SFSWAP: variants seen among roughly 807,000 people sequenced by gnomAD.
SFSWAP encodes splicing factor SWAP, also known as splicing factor, suppressor of white-apricot homolog.
A neutral mutation model predicts 100.7 loss-of-function variants in SFSWAP; 17 were observed. That is an observed-to-expected ratio of 0.17 (90% CI 0.12 to 0.25). The LOEUF is 0.25. Among genes scored for constraint, SFSWAP ranks in the 10% least tolerant of loss-of-function variants. The pLI is 1.00. For synonymous variants in SFSWAP, 504 were observed against 510.1 expected (o/e 0.99, Z 0.16); for missense variants, 1,005 against 1,262.6 (o/e 0.80, Z 3.09).
chr12:131,750,499 G>A (rs997749964), intron 7 of SFSWAP, among the ~76,000 whole-genome samples: 1 of 151,744 alleles, frequency 6.6e-6, no homozygotes, highest in Non-Finnish European at 1.5e-5. Context: ...GAGGCTGCGC[G>A]TGTCTCGGCT....
chr12:131,726,932 G>T lies in SFSWAP; in HGVS notation c.833-8G>T. ...CACCAAAATCTTGAAATGTGATTTT[G>T]ATTTCAGAATCAGGAGTCAGCTCTG... On this transcript the variant is annotated splice_region_variant and splice_polypyrimidine_tract_variant and intron_variant, in intron 5 of 17. Coordinates refer to ENST00000261674, the MANE Select transcript of SFSWAP (RefSeq NM_004592.4). 1 of 1,520,420 alleles carries T rather than the reference G, an allele frequency of 6.6e-7. No individual in the cohort carries two copies. Among genetic ancestry groups the T allele is most frequent in the South Asian group, 1.2e-5 (1 of 86,152 alleles). 94.2% of individuals were successfully genotyped at this position (1,520,420 alleles called of 1,614,324 possible).
At chr12:131,791,382 C>T (rs1037890244) in intron 15 of SFSWAP, among the ~76,000 whole-genome samples, 2 of 150,776 alleles carry the variant, frequency 1.3e-5, no homozygotes, top group African/African-American at 4.9e-5. Context: ...AAGTGAGACT[C>T]TATCTCAAAG....
At chr12:131,742,857 A>G (rs1219020489) in intron 7 of SFSWAP, among the ~76,000 whole-genome samples, 1 of 152,188 alleles carries the variant, frequency 6.6e-6, no homozygotes, top group East Asian at 1.9e-4. Context: ...GAGGAGGAGA[A>G]GAAGAGGTTT....
intron 10 of SFSWAP, among the ~76,000 whole-genome samples, chr12:131,756,112 A>G (rs1463260055): frequency 2.0e-5 from 3 of 152,368 alleles, no homozygotes; most frequent in South Asian, 4.1e-4. Flanking sequence ...CTTATCTCCA[A>G]TAGCCCACAC....
At chr12:131,793,981 T>C (rs114937321) in intron 15 of SFSWAP, among the ~76,000 whole-genome samples, 2 of 152,148 alleles carry the variant, frequency 1.3e-5, no homozygotes, top group Non-Finnish European at 2.9e-5. Context: ...CAGTTTCTTG[T>C]GACGTTAAGT....
chr12:131,779,579 G>T (rs1324623248), intron 14 of SFSWAP, among the ~76,000 whole-genome samples: 1 of 152,022 alleles, frequency 6.6e-6, no homozygotes, highest in Non-Finnish European at 1.5e-5. Context: ...CTGAACACTG[G>T]CTGACTCTCC....
chr12:131,786,382 A>G (rs1160578154), intron 14 of SFSWAP, 81 bp from the exon 15 acceptor site: 2 of 1,483,342 alleles, frequency 1.3e-6, no homozygotes, highest in Non-Finnish European at 1.8e-6. Context: ...ACGGGGCCTG[A>G]TCTCTGCCAG....
chr12:131,772,569 G>C (rs889302140), intron 13 of SFSWAP, among the ~76,000 whole-genome samples: 1 of 152,224 alleles, frequency 6.6e-6, no homozygotes, highest in Admixed American at 6.5e-5. Flanking sequence ...ACGGACAGGT[G>C]CGGGAACCAG....
Position 131,716,532 on chromosome 12 carries a change from A to C in SFSWAP, c.520+1579A>C, listed in dbSNP as rs570006797. ...TGTTTTTATCAGAAGGAAGGAATAG[A>C]TACTATAGCCACTTCACAAATAAAG... On this transcript the variant is annotated intron_variant, in intron 3 of 17. Coordinates refer to ENST00000261674, the MANE Select transcript of SFSWAP (RefSeq NM_004592.4). Among the ~76,000 whole-genome samples the C allele has an allele frequency of 6.6e-5, 10 of 152,350 alleles. No homozygotes were observed. The South Asian group carries it at 2.1e-3, about 32-fold the overall frequency.
Position 131,766,423 on chromosome 12 carries a change from C to T in SFSWAP, c.2142+115C>T, listed in dbSNP as rs553641371. On this transcript the variant is annotated intron_variant, in intron 13 of 17. Transcript: ENST00000261674. ...GGCCTGAGTGAGGGATATGAGCTCC[C>T]AGCTCTTCCTCCCGACATGGTTGAG... The T allele has an allele frequency of 9.3e-5, 85 of 909,632 alleles. No individual in the cohort carries two copies. In the African/African-American group the frequency reaches 1.3e-3, roughly 14 times the overall value. The allele number at this position is 909,632 out of a possible 1,614,324, so 56.3% of individuals were successfully genotyped here.
rs1039214524 is a variant in SFSWAP at position 131,733,164 on chromosome 12, C to T, written c.1081+4736C>T. On this transcript the variant is annotated intron_variant, in intron 7 of 17. Coordinates refer to ENST00000261674, the MANE Select transcript of SFSWAP (RefSeq NM_004592.4). The surrounding 1 kb of genome is among the most constrained non-coding windows in gnomAD (Gnocchi z 5.1). The stretch of plus-strand genomic sequence containing the variant: ...GGACATTTTGGCCATGGACTTGAAA[C>T]GTCAGCTGTATGAGAGCGGGCGGGG... 1.3e-5 allele frequency among the ~76,000 whole-genome samples: 2 copies of T among 152,186 alleles called. No homozygotes were observed. Among genetic ancestry groups the T allele is most frequent in the Admixed American group, 6.5e-5 (1 of 15,280 alleles).
At chr12:131,792,914 G>A (rs1373477830) in intron 15 of SFSWAP, among the ~76,000 whole-genome samples, 1 of 152,164 alleles carries the variant, frequency 6.6e-6, no homozygotes, top group Non-Finnish European at 1.5e-5. Context: ...TTGACAAAGA[G>A]CAGGATTTCA....
chr12:131,733,148 G>A lies in SFSWAP; in HGVS notation c.1081+4720G>A, dbSNP rs944844983. 3.9e-5 allele frequency among the ~76,000 whole-genome samples: 6 copies of A among 152,190 alleles called. No individual in the cohort carries two copies. Among genetic ancestry groups the A allele is most frequent in the Non-Finnish European group, 8.8e-5 (6 of 68,046 alleles). ...CCAGAGACAAGACAAAGGACATTTT[G>A]GCCATGGACTTGAAACGTCAGCTGT... On this transcript the variant is annotated intron_variant, in intron 7 of 17. Coordinates refer to ENST00000261674, the MANE Select transcript of SFSWAP (RefSeq NM_004592.4). This position sits in a 1 kb window ranked among gnomAD's most constrained non-coding sequence, Gnocchi z 5.1.
In SFSWAP at chr12:131,786,545, G is replaced by T. The variant is rs867767832; in HGVS notation, c.2491G>T (p.Val831Leu). The T allele has an allele frequency of 1.3e-6, 2 of 1,587,602 alleles. No homozygotes were observed. The highest frequency in any genetic ancestry group is 1.1e-5 in the South Asian group (1 of 87,046). Residue 831 changes from valine to leucine, a missense_variant, in exon 15 of 18, where the codon GTG (valine) becomes TTG (leucine). Transcript: ENST00000261674. ...EERSVPTAYR[V>L]SRSPGASRKR... ...GAGGAGTGTGCCCACTGCCTACCGC[G>T]TGAGCCGCAGCCCTGGGGCCAGTAG...
At position 131,778,539 on chromosome 12, in the gene SFSWAP, C is replaced by G. The variant is rs540257516; in HGVS notation, c.2408+209C>G. ...ATACTTAACTTTTTCTTTTTTGAGA[C>G]AGAGTTTTGTTCTTGTTGCCCAGGC... is the stretch of plus-strand genomic sequence containing the variant. On this transcript the variant is annotated intron_variant, in intron 14 of 17. Transcript: ENST00000261674. This position sits in a 1 kb window ranked among gnomAD's most constrained non-coding sequence, Gnocchi z 4.2. 6.6e-6 allele frequency among the ~76,000 whole-genome samples: 1 copy of G among 152,078 alleles called. No homozygotes were observed. The highest frequency in any genetic ancestry group is 1.9e-4 in the East Asian group (1 of 5,184).
At chr12:131,716,534 A>G (rs780139309) in intron 3 of SFSWAP, among the ~76,000 whole-genome samples, 1 of 152,236 alleles carries the variant, frequency 6.6e-6, no homozygotes, top group Non-Finnish European at 1.5e-5. Flanking sequence ...AGGAATAGAT[A>G]CTATAGCCAC....
chr12:131,744,439 G>A (rs1426639728), intron 7 of SFSWAP, among the ~76,000 whole-genome samples: 1 of 152,192 alleles, frequency 6.6e-6, no homozygotes, highest in Non-Finnish European at 1.5e-5. Flanking sequence ...TGCCACCAGT[G>A]TTTTTGCCAA....
chr12:131,735,712 G>A (rs1879948491), intron 7 of SFSWAP, among the ~76,000 whole-genome samples: 1 of 152,220 alleles, frequency 6.6e-6, no homozygotes, highest in Admixed American at 6.5e-5. Flanking sequence ...AGCGAGCAGA[G>A]CCCTGACTTC....
intron 13 of SFSWAP, among the ~76,000 whole-genome samples, chr12:131,772,303 G>T (rs1057515087): frequency 1.4e-4 from 22 of 152,276 alleles, no homozygotes; most frequent in Admixed American, 1.3e-3. Context: ...CCCGTTGATC[G>T]TTAGGAAAGG....
Sources: gnomAD v4.1 joint callset for allele counts (sites outside exome capture counted in the v4.1 genomes callset) on GRCh38, gnomAD v4.1.1 for gene constraint, Gnocchi (gnomAD v3.1) non-coding constraint, MANE v1.5 for transcripts, NCBI Gene and HGNC (gene_info 2026-07-23, HGNC 2026-07-21) for gene names.